The following AFF1 variants were observed in gnomAD, a reference collection of about 807,000 sequenced individuals.
AFF1 encodes the protein AF4/FMR2 family member 1.
AFF1 carries 48 observed loss-of-function variants against 121.7 expected under a neutral mutation model. That is an observed-to-expected ratio of 0.39 (90% CI 0.31 to 0.50). The LOEUF is 0.50. Among genes scored for constraint, AFF1 ranks in the 20% least tolerant of loss-of-function variants. AFF1 has a pLI of 0.76. For synonymous variants in AFF1, 613 were observed against 563.0 expected (o/e 1.09, Z -1.26); for missense variants, 1,523 against 1,511.7 (o/e 1.01, Z -0.12).
At chr4:87,082,452 T>C (rs1042530286) in intron 4 of AFF1, among the ~76,000 whole-genome samples, 1 of 152,156 alleles carries the variant, frequency 6.6e-6, no homozygotes, top group Admixed American at 6.5e-5. Context: ...CACCCTTGAT[T>C]CTCTTTGGTT....
Position 87,139,704 on chromosome 4 carries a change from CTTTAT to C in AFF1, c.*4007_*4011del. On this transcript the variant is annotated 3_prime_UTR_variant, in exon 21 of 21. Transcript: ENST00000395146. ...ATGGATGTAAGGTATTTTCCTGTGC[CTTTAT>C]TTTGTGTCATTCTATTGGAAGGAGG... The C allele has an allele frequency of 4.4e-6, 1 of 228,282 alleles. No individual in the cohort carries two copies. The highest frequency in any genetic ancestry group is 6.3e-5 in the East Asian group (1 of 15,976). 14.1% of individuals were successfully genotyped at this position (228,282 alleles called of 1,614,324 possible).
chr4:87,131,960 T>G (rs961907579), intron 18 of AFF1, 96 bp downstream of exon 18: 3 of 1,128,202 alleles, frequency 2.7e-6, no homozygotes, highest in Non-Finnish European at 3.7e-6. Context: ...AATGTGAAAA[T>G]TATGAAAAGC....
At chr4:87,002,437 T>G (rs866058424) in intron 2 of AFF1, among the ~76,000 whole-genome samples, 187 of 144,810 alleles carry the variant, frequency 1.3e-3, no homozygotes, top group African/African-American at 4.4e-3. Flanking sequence ...TTTTTTTTTT[T>G]TTTTTTTTTT....
At position 87,136,370 on chromosome 4, in the gene AFF1, A is replaced by T. The variant is rs770820162; in HGVS notation, c.*669A>T. ...ATCTCCCCATTGCCTAGAGCGCTGC[A>T]CATTGACCCCAGCTCTGACTTCTCA... On this transcript the variant is annotated 3_prime_UTR_variant, in exon 21 of 21. Coordinates refer to ENST00000395146, the MANE Select transcript of AFF1 (RefSeq NM_001166693.3). 5 of 232,190 alleles carry T rather than the reference A, an allele frequency of 2.2e-5. No homozygotes were observed. The highest frequency in any genetic ancestry group is 4.3e-5 in the Non-Finnish European group (5 of 117,470). The allele number at this position is 232,190 out of a possible 1,614,324, so 14.4% of individuals were successfully genotyped here. A position where few individuals can be genotyped will look rare whatever the true frequency, so the allele number is the denominator to read the frequency against.
At chr4:87,007,466 C>G in intron 2 of AFF1, 1 of 1,612,926 alleles carries the variant, frequency 6.2e-7, no homozygotes, top group Non-Finnish European at 8.5e-7. Flanking sequence ...GCGTTCGTGG[C>G]GAGGGGAGCT....
rs771164837 is a variant in AFF1, at chr4:87,114,859, A to G, written c.2026A>G (p.Lys676Glu). ...GCCAGCAGTGCCCCCCTCCAGTGAG[A>G]AGAAGAAGCACAAGAGCTCCCTCCC... is the stretch of plus-strand genomic sequence containing the variant. ...PKPAVPPSSE[K>E]KKHKSSLPAP... The change falls in exon 12 of 21, where the codon AAG becomes GAG. Residue 676 changes from lysine to glutamate, a missense_variant. Around this residue, in one of 5 missense-constraint regions of AFF1, gnomAD observed 905 missense variants for 842.5 expected, o/e 1.07. Coordinates refer to ENST00000395146, the MANE Select transcript of AFF1 (RefSeq NM_001166693.3). The G allele has an allele frequency of 1.2e-6, 2 of 1,613,868 alleles. No homozygotes were observed. Among genetic ancestry groups the G allele is most frequent in the East Asian group, 4.5e-5 (2 of 44,830 alleles).
intron 4 of AFF1, among the ~76,000 whole-genome samples, chr4:87,072,236 G>A (rs952672505): frequency 3.3e-5 from 5 of 151,748 alleles, no homozygotes; most frequent in Admixed American, 6.6e-5. Context: ...GGTGGCGGGC[G>A]CCTGTAGTCC....
intron 16 of AFF1, among the ~76,000 whole-genome samples, chr4:87,130,797 C>A (rs79031779): frequency 6.6e-6 from 1 of 152,342 alleles, no homozygotes; most frequent in East Asian, 1.9e-4. Flanking sequence ...AACAAGGAGA[C>A]TATGTACTTA....
At position 87,131,223 on chromosome 4, in the gene AFF1, A is replaced by G. The variant is rs574350275; in HGVS notation, c.3101+4A>G. The stretch of plus-strand genomic sequence containing the variant: ...CAGAAACTGTAGATCTCATTAAGTA[A>G]GTGCCGAGTCATTGTGCTTTCCTCT... On this transcript the variant is annotated splice_donor_region_variant and intron_variant, in intron 17 of 20. Transcript: ENST00000395146. 6.2e-7 allele frequency: 1 copy of G among 1,613,866 alleles called. No homozygotes were observed. Among genetic ancestry groups the G allele is most frequent in the African/African-American group, 1.3e-5 (1 of 75,028 alleles).
intron 7 of AFF1, among the ~76,000 whole-genome samples, chr4:87,093,274 G>C (rs1724498946): frequency 6.6e-6 from 1 of 152,116 alleles, no homozygotes; most frequent in Non-Finnish European, 1.5e-5. Flanking sequence ...CTTTTATGCT[G>C]CTGTCACTTT....
intron 2 of AFF1, among the ~76,000 whole-genome samples, chr4:87,027,820 C>G (rs973762702): frequency 1.8e-5 from 2 of 111,450 alleles, no homozygotes; most frequent in African/African-American, 7.2e-5. Context: ...AGGTGAGTCT[C>G]ACTGTCGCCC....
chr4:86,985,845 G>T (rs58822039), intron 2 of AFF1, among the ~76,000 whole-genome samples: 95,490 of 150,836 alleles, frequency 0.63, 33,064 homozygotes, highest in South Asian at 0.8. Flanking sequence ...AAATGATAGA[G>T]AAAAAGTTAT....
chr4:87,086,237 A>T (rs994982478), intron 5 of AFF1, among the ~76,000 whole-genome samples: 1 of 152,042 alleles, frequency 6.6e-6, no homozygotes, highest in Non-Finnish European at 1.5e-5. Flanking sequence ...ATTGTGCGTT[A>T]TTTGTTCTAT....
intron 2 of AFF1, among the ~76,000 whole-genome samples, chr4:87,028,185 C>T (rs1169355629): frequency 6.6e-6 from 1 of 152,126 alleles, no homozygotes; most frequent in African/African-American, 2.4e-5. Context: ...ACCATATATT[C>T]ATCTCTTTGT....
chr4:86,998,128 CAAG>C (rs1305886704), intron 2 of AFF1, among the ~76,000 whole-genome samples: 26 of 88,332 alleles, frequency 2.9e-4, no homozygotes, highest in Middle Eastern at 5.6e-3. Context: ...AAAAAAAAAA[CAAG>C]AAAACTGCGT....
At position 87,083,704 on chromosome 4, in the gene AFF1, A is replaced by G. The variant is rs572989975; in HGVS notation, c.1060-416A>G. Among the ~76,000 whole-genome samples, 13 of 152,316 alleles carry G rather than the reference A, an allele frequency of 8.5e-5. No individual in the cohort carries two copies. In the East Asian group the frequency reaches 1.9e-3, roughly 23 times the overall value. On this transcript the variant is annotated intron_variant, in intron 4 of 20. Transcript: ENST00000395146. ...CCTGAGGGTCAACAGTTAGTCTGCC[A>G]TTGTCTCCATCATTACTGTGTTTCC...
intron 2 of AFF1, among the ~76,000 whole-genome samples, chr4:87,028,041 A>T (rs1392696623): frequency 6.6e-6 from 1 of 151,964 alleles, no homozygotes; most frequent in East Asian, 1.9e-4. Context: ...AGATTTTAAG[A>T]TTAGTAGTGC....
chr4:86,979,503 G>C (rs1723565555), intron 2 of AFF1, among the ~76,000 whole-genome samples: 1 of 152,256 alleles, frequency 6.6e-6, no homozygotes, highest in East Asian at 1.9e-4. Flanking sequence ...TGTGGGGGTG[G>C]GAGAGTTTTT....
At chr4:87,120,818 T>C (rs1416267959) in intron 12 of AFF1, among the ~76,000 whole-genome samples, 1 of 152,226 alleles carries the variant, frequency 6.6e-6, no homozygotes, top group African/African-American at 2.4e-5. Context: ...CTAGAATCTC[T>C]ATGGCACCAA....
Sources: allele counts gnomAD v4.1 joint callset (sites outside exome capture counted in the v4.1 genomes callset), GRCh38; gene constraint gnomAD v4.1.1; regional missense constraint gnomAD v4.1.1; transcripts MANE v1.5; gene names NCBI Gene and HGNC (gene_info 2026-07-23, HGNC 2026-07-21).